ZDHHC15: variants seen among roughly 807,000 people sequenced by gnomAD.
The protein encoded by ZDHHC15 is zDHHC palmitoyltransferase 15.
ZDHHC15 carries 19 observed loss-of-function variants against 31.7 expected under a neutral mutation model. That is an observed-to-expected ratio of 0.60 (90% CI 0.42 to 0.88). The LOEUF (loss-of-function observed/expected upper bound fraction) is 0.88, where lower values mean the gene tolerates loss of function less well. ZDHHC15 is among the 40% of genes least tolerant of loss of function. The pLI is 0.00. For synonymous variants in ZDHHC15, 103 were observed against 90.0 expected (o/e 1.14, Z -0.82); for missense variants, 209 against 251.2 (o/e 0.83, Z 1.14).
At chrX:75,441,552 G>C (rs2083940506) in intron 4 of ZDHHC15, among the ~76,000 whole-genome samples, 1 of 110,731 alleles carries the variant, frequency 9.0e-6, no homozygotes, top group Non-Finnish European at 1.9e-5. Context: ...GGAGTTTGCA[G>C]TGGCAAGATG....
intron 3 of ZDHHC15, among the ~76,000 whole-genome samples, chrX:75,463,333 A>C (rs1414385534): frequency 1.8e-5 from 2 of 110,978 alleles, no homozygotes; most frequent in Non-Finnish European, 1.9e-5. Flanking sequence ...GTTACAAAGA[A>C]AAGCTGGTAT....
intron 4 of ZDHHC15, among the ~76,000 whole-genome samples, chrX:75,441,621 C>CTTT (rs745335984): frequency 2.2e-5 from 2 of 92,304 alleles, no homozygotes; most frequent in African/African-American, 8.0e-5. Context: ...TGTGGTAGTT[C>CTTT]TTTTTTTTTT....
chrX:75,422,952 C>G (rs1477723314), intron 8 of ZDHHC15, among the ~76,000 whole-genome samples: 1 of 65,844 alleles, frequency 1.5e-5, no homozygotes, highest in Non-Finnish European at 2.7e-5. Flanking sequence ...CTATCCCTCC[C>G]CCCTCCCCCC....
intron 3 of ZDHHC15, among the ~76,000 whole-genome samples, chrX:75,472,459 G>T (rs1162063775): frequency 8.9e-6 from 1 of 112,182 alleles, no homozygotes; most frequent in Non-Finnish European, 1.9e-5. Flanking sequence ...TGATTCATGG[G>T]CTGTAGCCAA....
chrX:75,499,616 C>T (rs759980964), intron 2 of ZDHHC15, among the ~76,000 whole-genome samples: 1 of 111,016 alleles, frequency 9.0e-6, no homozygotes, highest in Non-Finnish European at 1.9e-5. Flanking sequence ...ATTTAAAAAT[C>T]AAAAAACAAT....
chrX:75,490,844 A>G (rs2084874449), intron 2 of ZDHHC15, among the ~76,000 whole-genome samples: 3 of 111,834 alleles, frequency 2.7e-5, no homozygotes, highest in African/African-American at 9.8e-5. Flanking sequence ...TTGATTTTGT[A>G]TCCTGAGGCT....
rs1455676788 is a variant in ZDHHC15 at position 75,443,751 on chromosome X, G to T, written c.379+7051C>A. Among the ~76,000 whole-genome samples, 11 of 111,904 alleles carry T rather than the reference G, an allele frequency of 9.8e-5. No homozygotes were observed. The South Asian group carries it at 3.4e-3, about 34-fold the overall frequency. ...AGGGCTAATATCCAGAATCTACAAA[G>T]AACTCAAACCAATTTACAAGGAAAA... On this transcript the variant is annotated intron_variant, in intron 4 of 11. Coordinates refer to ENST00000373367, the MANE Select transcript of ZDHHC15 (RefSeq NM_144969.3).
chrX:75,375,484 A>G (rs931466611), intron 11 of ZDHHC15, among the ~76,000 whole-genome samples: 10 of 111,284 alleles, frequency 9.0e-5, no homozygotes, highest in African/African-American at 3.3e-4. Context: ...TGTGATGCTG[A>G]GGTTTGGGGT....
intron 2 of ZDHHC15, among the ~76,000 whole-genome samples, chrX:75,490,241 G>A (rs974281400): frequency 1.5e-4 from 17 of 111,049 alleles, no homozygotes; most frequent in African/African-American, 5.6e-4. Flanking sequence ...TACAGAGAAC[G>A]CCACAAAGAT....
chrX:75,491,139 G>A (rs2084881898), intron 2 of ZDHHC15, among the ~76,000 whole-genome samples: 1 of 111,113 alleles, frequency 9.0e-6, no homozygotes, highest in Admixed American at 9.6e-5. Flanking sequence ...TATACCCAAA[G>A]GATTATAAAT....
At chrX:75,493,776 C>T (rs937122296) in intron 2 of ZDHHC15, among the ~76,000 whole-genome samples, 3 of 111,620 alleles carry the variant, frequency 2.7e-5, no homozygotes, top group Admixed American at 9.6e-5. Flanking sequence ...ATTGATGGGA[C>T]GTATCTCAAA....
At chrX:75,521,470 G>A (rs2085440334) in intron 1 of ZDHHC15, among the ~76,000 whole-genome samples, 2 of 110,646 alleles carry the variant, frequency 1.8e-5, no homozygotes, top group Admixed American at 9.8e-5. Flanking sequence ...GGAACGGGGG[G>A]AATTAAAGTG....
intron 10 of ZDHHC15, among the ~76,000 whole-genome samples, chrX:75,413,554 A>G (rs762253034): frequency 1.2e-4 from 13 of 110,959 alleles, no homozygotes; most frequent in Non-Finnish European, 2.3e-4. Flanking sequence ...AGTCTCAGCT[A>G]CTTGGGAGGC....
intron 3 of ZDHHC15, among the ~76,000 whole-genome samples, chrX:75,458,751 A>G (rs764868714): frequency 2.3e-4 from 25 of 109,716 alleles, no homozygotes; most frequent in Non-Finnish European, 4.7e-4. Context: ...TGAACTGAAC[A>G]AATTCATACT....
intron 3 of ZDHHC15, among the ~76,000 whole-genome samples, chrX:75,475,957 TTA>T (rs1043183804): frequency 8.9e-6 from 1 of 111,784 alleles, no homozygotes; most frequent in Non-Finnish European, 1.9e-5. Context: ...CCTAAGTATT[TTA>T]TGTTTTTGGT....
chrX:75,438,124 A>G (rs1054923037), intron 4 of ZDHHC15, among the ~76,000 whole-genome samples: 1 of 111,854 alleles, frequency 8.9e-6, no homozygotes, highest in Non-Finnish European at 1.9e-5. Context: ...AAAAGTCAGG[A>G]AACAACAAGT....
chrX:75,404,047 C>A (rs1188636386), intron 10 of ZDHHC15, among the ~76,000 whole-genome samples: 1 of 111,307 alleles, frequency 9.0e-6, no homozygotes, highest in African/African-American at 3.3e-5. Context: ...CAAAGGAACA[C>A]AATAGAGAGC....
At chrX:75,381,976 C>T (rs1352923625) in intron 10 of ZDHHC15, among the ~76,000 whole-genome samples, 1 of 111,879 alleles carries the variant, frequency 8.9e-6, no homozygotes, top group African/African-American at 3.2e-5. Flanking sequence ...CAGAATAGCC[C>T]ACTTCCCCCC....
At chrX:75,424,153 G>A (rs2083683277) in intron 8 of ZDHHC15, among the ~76,000 whole-genome samples, 2 of 110,833 alleles carry the variant, frequency 1.8e-5, no homozygotes, top group Non-Finnish European at 3.8e-5. Flanking sequence ...CTTGATGATT[G>A]CAGATATTTA....
Sources: gnomAD v4.1 joint callset for allele counts (sites outside exome capture counted in the v4.1 genomes callset) on GRCh38, gnomAD v4.1.1 for gene constraint, MANE v1.5 for transcripts, NCBI Gene and HGNC (gene_info 2026-07-23, HGNC 2026-07-21) for gene names.